The following IFT74 variants were observed in gnomAD, a reference collection of about 807,000 sequenced individuals.
IFT74 encodes intraflagellar transport protein 74 homolog.
In IFT74, 92 loss-of-function variants were observed where a neutral mutation model predicts 96.7. That is an observed-to-expected ratio of 0.95 (90% CI 0.80 to 1.13). The LOEUF (loss-of-function observed/expected upper bound fraction) is 1.13. Among genes scored for constraint, IFT74 ranks in the 50% most tolerant of loss-of-function variants. IFT74 has a pLI of 0.00. For synonymous variants in IFT74, 223 were observed against 213.2 expected (o/e 1.05, Z -0.40); for missense variants, 811 against 698.2 (o/e 1.16, Z -1.82).
chr9:26,983,643 A>G (rs949240108), intron 4 of IFT74, among the ~76,000 whole-genome samples: 1 of 152,142 alleles, frequency 6.6e-6, no homozygotes, highest in Non-Finnish European at 1.5e-5. Context: ...TTAAGCACCT[A>G]CATCTGCCTG....
Position 26,987,877 on chromosome 9 carries a change from AT to A in IFT74, c.466-783del, listed in dbSNP as rs79439079. Among the ~76,000 whole-genome samples, 1,062 of 151,524 alleles carry A rather than the reference AT, an allele frequency of 7.0e-3. 19 individuals carry two copies. The East Asian group carries it at 0.077, about 11-fold the overall frequency. On this transcript the variant is annotated intron_variant, in intron 6 of 19. Transcript: ENST00000380062. ...TGTTCCATCTGTGCAAGCCCTGTTGATTTTTTTTTAATTATTAGAAGATAAA... is the reference window on the plus strand; with the variant it reads ...TGTTCCATCTGTGCAAGCCCTGTTGATTTTTTTTAATTATTAGAAGATAAA...
At chr9:26,982,084 GT>G (rs113300059) in intron 4 of IFT74, among the ~76,000 whole-genome samples, 7,147 of 151,286 alleles carry the variant, frequency 0.047, 200 homozygotes, top group Middle Eastern at 0.066. Context: ...AATCTTCTAT[GT>G]TTTTTTTCAG....
chr9:27,038,134 T>C (rs1587397996), intron 13 of IFT74, among the ~76,000 whole-genome samples: 1 of 152,350 alleles, frequency 6.6e-6, no homozygotes, highest in Middle Eastern at 3.4e-3. Flanking sequence ...TTGTGCTTTT[T>C]ACAGAGGCTG....
intron 8 of IFT74, chr9:26,997,695 A>C (rs756805265): frequency 1.3e-6 from 2 of 1,550,188 alleles, no homozygotes; most frequent in East Asian, 2.2e-5. Flanking sequence ...TGAGTTAATC[A>C]CATTTTGGTT....
At position 27,037,080 on chromosome 9, in the gene IFT74, A is replaced by C. The variant is rs545287311; in HGVS notation, c.1055-7662A>C. On this transcript the variant is annotated intron_variant, in intron 13 of 19. Coordinates refer to ENST00000380062, the MANE Select transcript of IFT74 (RefSeq NM_025103.4). ...TAAAAAATACAAAAACTTAGCCGGT[A>C]GTGGTGGTGGGCACCTGTAATCCCA... 3.9e-5 allele frequency among the ~76,000 whole-genome samples: 6 copies of C among 152,054 alleles called. No homozygotes were observed. In the South Asian group the frequency reaches 1.2e-3, roughly 32 times the overall value.
intron 12 of IFT74, among the ~76,000 whole-genome samples, chr9:27,022,392 T>C (rs1829651769): frequency 6.6e-6 from 1 of 152,116 alleles, no homozygotes; most frequent in Admixed American, 6.5e-5. Flanking sequence ...AAATGGGAAT[T>C]GCATTGAACT....
At chr9:27,010,485 GTT>G (rs375246441) in intron 9 of IFT74, among the ~76,000 whole-genome samples, 1 of 128,116 alleles carries the variant, frequency 7.8e-6, no homozygotes. Flanking sequence ...CCTTTTTTTT[GTT>G]TTTTTTTTTT....
chr9:27,013,246 A>T (rs1829194872), intron 10 of IFT74, among the ~76,000 whole-genome samples: 1 of 152,096 alleles, frequency 6.6e-6, no homozygotes, highest in African/African-American at 2.4e-5. Flanking sequence ...CATTGTATCT[A>T]CAGTGTCTAT....
At chr9:27,002,838 A>T (rs760820199) in intron 8 of IFT74, among the ~76,000 whole-genome samples, 1 of 151,866 alleles carries the variant, frequency 6.6e-6, no homozygotes, top group Non-Finnish European at 1.5e-5. Flanking sequence ...GCGTCACTGT[A>T]TTTTGATAGG....
chr9:27,055,616 A>T lies in IFT74; in HGVS notation c.1341A>T (p.Gln447His), dbSNP rs764366835. The change falls in exon 17 of 20, where the codon CAA (glutamine) becomes CAT (histidine). Residue 447 changes from glutamine to histidine, a missense_variant. Gln to His is a conservative substitution (Grantham distance 24, BLOSUM62 0). Transcript: ENST00000380062. ...STAQNLTSDI[Q>H]RLQLDLQKME... Reference sequence around the variant, plus strand: ...TAAATTCTTATGTTTCAGACATTCAACGTCTGCAGTTGGATCTGCAGAAAA... The same window carrying T: ...TAAATTCTTATGTTTCAGACATTCATCGTCTGCAGTTGGATCTGCAGAAAA... The T allele has an allele frequency of 1.3e-6, 2 of 1,574,200 alleles. No homozygotes were observed. Among genetic ancestry groups the T allele is most frequent in the Non-Finnish European group, 1.7e-6 (2 of 1,166,098 alleles).
intron 16 of IFT74, among the ~76,000 whole-genome samples, chr9:27,054,116 G>T (rs73438237): frequency 6.6e-6 from 1 of 152,162 alleles, no homozygotes; most frequent in Non-Finnish European, 1.5e-5. Context: ...AAAAATTTTG[G>T]TTGGATAACA....
rs73436007 is a variant in IFT74 at position 26,978,159 on chromosome 9, G to C, written c.152G>C (p.Arg51Pro). ...MPPGTARPGS[R>P]GCPIGTGGVL... ...CCTGGGACAGCAAGACCAGGTTCTC[G>C]TGGTTGTCCCATAGGGACTGGTGGA... Residue 51 changes from arginine to proline, a missense_variant, in exon 3 of 20, where the codon CGT becomes CCT. By Grantham distance (103) the Arg-to-Pro change is moderately radical. Coordinates refer to ENST00000380062, the MANE Select transcript of IFT74 (RefSeq NM_025103.4). 6.2e-6 allele frequency: 10 copies of C among 1,608,228 alleles called. No individual in the cohort carries two copies.
At chr9:27,023,182 C>A (rs1213547424) in intron 12 of IFT74, among the ~76,000 whole-genome samples, 1 of 152,132 alleles carries the variant, frequency 6.6e-6, no homozygotes, top group Non-Finnish European at 1.5e-5. Flanking sequence ...CTAGCTAGGA[C>A]TTCTAGTGCT....
At chr9:27,033,221 T>A (rs1392923779) in intron 13 of IFT74, among the ~76,000 whole-genome samples, 1 of 152,104 alleles carries the variant, frequency 6.6e-6, no homozygotes, top group African/African-American at 2.4e-5. Context: ...TGAGAAATGG[T>A]ATAGCATAGT....
intron 16 of IFT74, among the ~76,000 whole-genome samples, chr9:27,048,761 T>A (rs1377568057): frequency 6.6e-6 from 1 of 152,180 alleles, no homozygotes; most frequent in Non-Finnish European, 1.5e-5. Flanking sequence ...GGAGTCTATG[T>A]TTATACACAG....
intron 2 of IFT74, among the ~76,000 whole-genome samples, chr9:26,968,096 A>T (rs1587251598): frequency 7.0e-6 from 1 of 143,080 alleles, no homozygotes; most frequent in African/African-American, 2.6e-5. Flanking sequence ...TCAGGATAAT[A>T]CTGGTCTTGT....
intron 2 of IFT74, among the ~76,000 whole-genome samples, chr9:26,963,323 G>A (rs1489061442): frequency 6.6e-6 from 1 of 152,010 alleles, no homozygotes; most frequent in African/African-American, 2.4e-5. Context: ...ATTCCATGGT[G>A]TATATGTGCC....
chr9:27,014,645 T>C (rs964545106), intron 10 of IFT74, among the ~76,000 whole-genome samples: 1 of 152,226 alleles, frequency 6.6e-6, no homozygotes, highest in Non-Finnish European at 1.5e-5. Context: ...AGTCTTGCTC[T>C]GTTGCCCAGG....
intron 2 of IFT74, among the ~76,000 whole-genome samples, chr9:26,965,101 C>T (rs1388376651): frequency 6.6e-6 from 1 of 151,970 alleles, no homozygotes; most frequent in Non-Finnish European, 1.5e-5. Context: ...GTTAGATAGT[C>T]ATTACAAACT....
Sources: gnomAD v4.1 joint callset for allele counts (sites outside exome capture counted in the v4.1 genomes callset) on GRCh38, gnomAD v4.1.1 for gene constraint, MANE v1.5 for transcripts, NCBI Gene and HGNC (gene_info 2026-07-23, HGNC 2026-07-21) for gene names.